ZNF79: variants seen among roughly 807,000 people sequenced by gnomAD.
ZNF79 encodes the protein zinc finger protein 79.
In ZNF79, 13 loss-of-function variants were observed where a neutral mutation model predicts 14.9. The ratio of observed to expected loss-of-function variants is 0.87; its 90% confidence interval spans 0.57 to 1.38. The LOEUF (loss-of-function observed/expected upper bound fraction) is 1.38, where lower values mean the gene tolerates loss of function less well. Among genes scored for constraint, ZNF79 ranks in the 40% most tolerant of loss-of-function variants. ZNF79 has a pLI of 0.00. For synonymous variants in ZNF79, 223 were observed against 235.1 expected (o/e 0.95, Z 0.47); for missense variants, 631 against 630.6 (o/e 1.00, Z -0.01).
chr9:127,434,779 G>C (rs1431528298), intron 2 of ZNF79, among the ~76,000 whole-genome samples: 2 of 152,190 alleles, frequency 1.3e-5, no homozygotes, highest in Non-Finnish European at 2.9e-5. Flanking sequence ...CTCCTGAGAA[G>C]CTGGGATTAC....
At chr9:127,424,965 T>A (rs1833724521) in intron 1 of ZNF79, 162 bp downstream of exon 1, 2 of 1,496,826 alleles carry the variant, frequency 1.3e-6, no homozygotes, top group Non-Finnish European at 1.8e-6. Context: ...CCCCAGGAGA[T>A]CCTGAGAACA....
At chr9:127,437,060 T>TAA (rs769977106) in intron 4 of ZNF79, among the ~76,000 whole-genome samples, 291 of 123,764 alleles carry the variant, frequency 2.4e-3, no homozygotes, top group African/African-American at 5.3e-3. Flanking sequence ...AACTCTGTCT[T>TAA]AAAAAAAAAA....
At chr9:127,426,524 G>A (rs997217184) in intron 1 of ZNF79, among the ~76,000 whole-genome samples, 5 of 152,188 alleles carry the variant, frequency 3.3e-5, no homozygotes, top group Non-Finnish European at 7.4e-5. Flanking sequence ...ACAGGCACCC[G>A]CCACCACACC....
At chr9:127,427,929 A>G (rs1172912705) in intron 1 of ZNF79, among the ~76,000 whole-genome samples, 2 of 152,030 alleles carry the variant, frequency 1.3e-5, no homozygotes, top group African/African-American at 4.8e-5. Flanking sequence ...CTAAGAAATC[A>G]TTGCCTAATC....
chr9:127,428,551 G>T, intron 1 of ZNF79: 1 of 579,216 alleles, frequency 1.7e-6, no homozygotes. Context: ...CCATTTTGCA[G>T]ATGAGAAAAA....
intron 4 of ZNF79, among the ~76,000 whole-genome samples, chr9:127,439,810 G>A (rs7869823): frequency 0.61 from 92,061 of 152,156 alleles, 28,184 homozygotes; most frequent in African/African-American, 0.63. Context: ...GGATGAAGAC[G>A]TAGTTTCTGC....
At chr9:127,443,939 A>G (rs1311186191) in intron 4 of ZNF79, 90 bp from the exon 5 acceptor site, 1 of 1,156,618 alleles carries the variant, frequency 8.6e-7, no homozygotes, top group African/African-American at 1.5e-5. Context: ...GAGTCATCAA[A>G]CCTGTGTGTG....
intron 4 of ZNF79, among the ~76,000 whole-genome samples, chr9:127,438,763 C>A (rs1833993769): frequency 6.6e-6 from 1 of 152,056 alleles, no homozygotes; most frequent in Admixed American, 6.6e-5. Flanking sequence ...AGGGGGAGGT[C>A]AGAGAGAGAG....
At position 127,428,870 on chromosome 9, in the gene ZNF79, A is replaced by G; in HGVS notation, c.55A>G (p.Asn19Asp). The stretch of plus-strand genomic sequence containing the variant: ...AGGCCCTGCCCTTCCCCAAGAGGAA[A>G]ACACAGGAGAGGAAGGAATGGCTGC... ...SPGPALPQEENTGEEGMAAGL... is the reference protein window; with the variant it reads ...SPGPALPQEEDTGEEGMAAGL... The change falls in exon 2 of 5, where the codon AAC becomes GAC. Residue 19 changes from asparagine (N) to aspartate (D), a missense_variant. Coordinates refer to ENST00000342483, the MANE Select transcript of ZNF79 (RefSeq NM_007135.3). 6.2e-7 allele frequency: 1 copy of G among 1,605,892 alleles called. No homozygotes were observed. Among genetic ancestry groups the G allele is most frequent in the Non-Finnish European group, 8.5e-7 (1 of 1,175,666 alleles).
At chr9:127,427,677 G>T (rs1174942404) in intron 1 of ZNF79, among the ~76,000 whole-genome samples, 1 of 151,828 alleles carries the variant, frequency 6.6e-6, no homozygotes, top group Admixed American at 6.6e-5. Context: ...AGGTAGCTGG[G>T]CCTGCAGGCA....
At position 127,424,520 on chromosome 9, in the gene ZNF79, G is replaced by A. The variant is rs1231355710; in HGVS notation, c.-268G>A. On this transcript the variant is annotated 5_prime_UTR_variant, in exon 1 of 5. Coordinates refer to ENST00000342483, the MANE Select transcript of ZNF79 (RefSeq NM_007135.3). ...AGTCGTTTTTCGGAAAGCTGGCAGCGGCTTTTTCACCGGGTTCTGCTTGAG... is the reference window on the plus strand; with the variant it reads ...AGTCGTTTTTCGGAAAGCTGGCAGCAGCTTTTTCACCGGGTTCTGCTTGAG... 5 of 417,054 alleles carry A rather than the reference G, an allele frequency of 1.2e-5. No homozygotes were observed. Among genetic ancestry groups the A allele is most frequent in the Non-Finnish European group, 2.2e-5 (5 of 229,322 alleles). The allele number at this position is 417,054 out of a possible 1,614,324, so 25.8% of individuals were successfully genotyped here. A position where few individuals can be genotyped will look rare whatever the true frequency, so the allele number is the denominator to read the frequency against.
intron 2 of ZNF79, among the ~76,000 whole-genome samples, chr9:127,432,248 T>C (rs894597581): frequency 2.0e-5 from 3 of 151,292 alleles, no homozygotes; most frequent in African/African-American, 4.9e-5. Context: ...CCCGGGTTCA[T>C]GCCATTCTGC....
chr9:127,442,459 A>G (rs1310600505), intron 4 of ZNF79, among the ~76,000 whole-genome samples: 1 of 152,138 alleles, frequency 6.6e-6, no homozygotes, highest in Non-Finnish European at 1.5e-5. Context: ...AAGATAAAAA[A>G]TGGTACACCT....
chr9:127,428,515 T>A, intron 1 of ZNF79: 1 of 257,022 alleles, frequency 3.9e-6, no homozygotes. Context: ...TCACAGCAGA[T>A]TATCCCTTAC....
At chr9:127,434,892 G>A (rs994973449) in intron 2 of ZNF79, among the ~76,000 whole-genome samples, 198 bp from the exon 3 acceptor site, 1 of 152,080 alleles carries the variant, frequency 6.6e-6, no homozygotes, top group Non-Finnish European at 1.5e-5. Flanking sequence ...CAAGTGATCC[G>A]CCTGCCTCAC....
chr9:127,437,142 A>G (rs902777718), intron 4 of ZNF79, among the ~76,000 whole-genome samples: 2 of 151,400 alleles, frequency 1.3e-5, no homozygotes, highest in Admixed American at 6.6e-5. Flanking sequence ...TGCTGCTGAT[A>G]GGGCAATGGG....
At chr9:127,426,372 CTTT>C (rs34029339) in intron 1 of ZNF79, among the ~76,000 whole-genome samples, 18 of 128,450 alleles carry the variant, frequency 1.4e-4, no homozygotes, top group African/African-American at 2.1e-4. Context: ...TAATATGTGA[CTTT>C]TTTTTTTTTT....
chr9:127,439,918 A>T (rs1384146492), intron 4 of ZNF79, among the ~76,000 whole-genome samples: 3 of 152,092 alleles, frequency 2.0e-5, no homozygotes, highest in Non-Finnish European at 4.4e-5. Flanking sequence ...GCTGGAGTGC[A>T]GTGGCGCGAT....
intron 4 of ZNF79, among the ~76,000 whole-genome samples, chr9:127,439,221 CAT>C (rs1036980393): frequency 4.6e-5 from 7 of 151,754 alleles, no homozygotes; most frequent in Admixed American, 1.3e-4. Context: ...CACACACACA[CAT>C]ATACACGTAT....
Sources: allele counts gnomAD v4.1 joint callset (sites outside exome capture counted in the v4.1 genomes callset), GRCh38; gene constraint gnomAD v4.1.1; transcripts MANE v1.5; gene names NCBI Gene and HGNC (gene_info 2026-07-23, HGNC 2026-07-21).